GRIA4: variants seen among roughly 807,000 people sequenced by gnomAD.
GRIA4 encodes glutamate ionotropic receptor AMPA type subunit 4, also known as glutamate receptor 4.
GRIA4 carries 34 observed loss-of-function variants against 104.0 expected under a neutral mutation model. That is an observed-to-expected ratio of 0.33 (90% CI 0.25 to 0.44). The LOEUF (loss-of-function observed/expected upper bound fraction) is 0.44. Ranked by LOEUF, GRIA4 falls within the 20% of genes least tolerant of loss-of-function variation. GRIA4 has a pLI of 1.00. For missense variants in GRIA4, 750 were observed against 1,096.5 expected, an observed-to-expected ratio of 0.68 and a Z score of 4.46; for synonymous variants, 386 against 381.9, an observed-to-expected ratio of 1.01 and a Z score of -0.13.
chr11:105,738,939 A>C (rs1334900284), intron 3 of GRIA4, among the ~76,000 whole-genome samples: 1 of 113,846 alleles, frequency 8.8e-6, no homozygotes, highest in Non-Finnish European at 2.1e-5. Flanking sequence ...ACAAAAAAAA[A>C]AAAAACAAAA....
At chr11:105,796,524 C>A (rs1428997664) in intron 4 of GRIA4, among the ~76,000 whole-genome samples, 1 of 152,084 alleles carries the variant, frequency 6.6e-6, no homozygotes, top group East Asian at 1.9e-4. Context: ...ACTGTAATTA[C>A]CCTCAATCAG....
At chr11:105,771,759 G>A (rs1243739377) in intron 4 of GRIA4, among the ~76,000 whole-genome samples, 1 of 151,820 alleles carries the variant, frequency 6.6e-6, no homozygotes, top group Non-Finnish European at 1.5e-5. Flanking sequence ...TAATCATATT[G>A]GAAAATTTTT....
At chr11:105,688,070 T>C (rs1952941641) in intron 3 of GRIA4, among the ~76,000 whole-genome samples, 1 of 151,900 alleles carries the variant, frequency 6.6e-6, no homozygotes, top group Non-Finnish European at 1.5e-5. Context: ...CTCCTAGGTT[T>C]ACATCTATCT....
At chr11:105,974,543 T>A in intron 16 of GRIA4, 99 bp downstream of exon 16, 1 of 1,613,478 alleles carries the variant, frequency 6.2e-7, no homozygotes, top group South Asian at 1.1e-5. Context: ...GAACCGAAAG[T>A]ATTAAAATTT....
At chr11:105,912,710 G>A (rs1050500797) in intron 10 of GRIA4, 10 of 953,732 alleles carry the variant, frequency 1.0e-5, no homozygotes, top group Middle Eastern at 1.1e-3. Context: ...TAATCGTTCA[G>A]TAATTCAAAA....
chr11:105,955,655 T>C (rs1049983198), intron 14 of GRIA4, among the ~76,000 whole-genome samples: 1 of 152,198 alleles, frequency 6.6e-6, no homozygotes, highest in Non-Finnish European at 1.5e-5. Flanking sequence ...GATTGCTGGG[T>C]CATGGTATTT....
At chr11:105,876,195 T>C (rs1183760754) in intron 5 of GRIA4, among the ~76,000 whole-genome samples, 3 of 152,206 alleles carry the variant, frequency 2.0e-5, no homozygotes, top group African/African-American at 7.2e-5. Flanking sequence ...CAGGAGCAGG[T>C]TGTTCAGTTT....
chr11:105,621,643 T>C (rs1184254231), intron 3 of GRIA4, among the ~76,000 whole-genome samples: 2 of 151,820 alleles, frequency 1.3e-5, no homozygotes, highest in African/African-American at 4.8e-5. Flanking sequence ...ATTTAGATTA[T>C]TTCCAGGTCT....
chr11:105,879,101 C>A (rs921848445), intron 5 of GRIA4, among the ~76,000 whole-genome samples: 1 of 152,082 alleles, frequency 6.6e-6, no homozygotes, highest in African/African-American at 2.4e-5. Flanking sequence ...AATGCACCAT[C>A]CCTCATGGCA....
intron 6 of GRIA4, among the ~76,000 whole-genome samples, chr11:105,892,315 T>A (rs1307381597): frequency 6.6e-6 from 1 of 152,160 alleles, no homozygotes; most frequent in Non-Finnish European, 1.5e-5. Context: ...ATTCTTAGAA[T>A]CTTGTTCTCC....
At chr11:105,653,819 T>G (rs10502060) in intron 3 of GRIA4, among the ~76,000 whole-genome samples, 67,855 of 150,978 alleles carry the variant, frequency 0.45, 15,363 homozygotes, top group East Asian at 0.56. Context: ...GACTTAAGTC[T>G]TGAAGAATGA....
At chr11:105,666,609 A>ACTAAATAT (rs1303589086) in intron 3 of GRIA4, among the ~76,000 whole-genome samples, 1 of 152,044 alleles carries the variant, frequency 6.6e-6, no homozygotes, top group Non-Finnish European at 1.5e-5. Flanking sequence ...TTGAATAATT[A>ACTAAATAT]AATTACTAAA....
At chr11:105,912,684 G>A (rs1021760786) in intron 10 of GRIA4, 2 of 881,442 alleles carry the variant, frequency 2.3e-6, no homozygotes, top group Non-Finnish European at 2.7e-6. Flanking sequence ...TAATACCTCT[G>A]ATATTTGCAA....
intron 14 of GRIA4, among the ~76,000 whole-genome samples, chr11:105,938,555 A>C (rs1265043952): frequency 6.6e-6 from 1 of 152,184 alleles, no homozygotes; most frequent in African/African-American, 2.4e-5. Flanking sequence ...ATCTTTGCTT[A>C]TGAATACCCT....
chr11:105,862,890 A>G (rs1004825995), intron 5 of GRIA4, among the ~76,000 whole-genome samples: 21 of 152,148 alleles, frequency 1.4e-4, no homozygotes, highest in Non-Finnish European at 3.1e-4. Context: ...CAAATAATGG[A>G]TAACATCTGC....
chr11:105,861,959 T>TG, intron 4 of GRIA4, 65 bp from the exon 5 acceptor site: 1 of 939,974 alleles, frequency 1.1e-6, no homozygotes, highest in Non-Finnish European at 1.7e-6. Context: ...ATAGGCTCAG[T>TG]ACCTGCATAC....
intron 3 of GRIA4, among the ~76,000 whole-genome samples, chr11:105,667,150 A>C (rs1465705802): frequency 6.6e-6 from 1 of 152,034 alleles, no homozygotes; most frequent in Non-Finnish European, 1.5e-5. Context: ...TAAGAAAAAC[A>C]ATTATGTACC....
chr11:105,936,346 C>A (rs1948034391), intron 14 of GRIA4, among the ~76,000 whole-genome samples: 1 of 152,154 alleles, frequency 6.6e-6, no homozygotes, highest in Non-Finnish European at 1.5e-5. Flanking sequence ...TCTTTGAAAC[C>A]TTTCTGTCTT....
At chr11:105,941,316 G>A (rs984786026) in intron 14 of GRIA4, among the ~76,000 whole-genome samples, 1 of 152,084 alleles carries the variant, frequency 6.6e-6, no homozygotes, top group Non-Finnish European at 1.5e-5. Flanking sequence ...GTTAACAGAT[G>A]TCTACAGAAT....
Sources: allele counts gnomAD v4.1 joint callset (sites outside exome capture counted in the v4.1 genomes callset), GRCh38; gene constraint gnomAD v4.1.1; transcripts MANE v1.5; gene names NCBI Gene and HGNC (gene_info 2026-07-23, HGNC 2026-07-21).